SLC17A1: variants seen among roughly 807,000 people sequenced by gnomAD.
SLC17A1 encodes the protein sodium-dependent phosphate transport protein 1.
In SLC17A1, 51 loss-of-function variants were observed where a neutral mutation model predicts 53.5. The observed-to-expected ratio is 0.95, with a 90% confidence interval of 0.76 to 1.20. The LOEUF is 1.20. Ranked by LOEUF, SLC17A1 falls within the 50% of genes most tolerant of loss-of-function variation. The pLI is 0.00. For missense variants in SLC17A1, 538 were observed against 568.2 expected (o/e 0.95, Z 0.54); for synonymous variants, 179 against 198.8 (o/e 0.90, Z 0.84).
the SLC17A1 span, chr6:25,770,790 T>C: frequency 1.4e-6 from 1 of 718,976 alleles, no homozygotes; most frequent in Middle Eastern, 2.4e-4. Flanking sequence ...GATCACATAG[T>C]TACCAAGTGA....
At chr6:25,762,150 T>G in the SLC17A1 span, 60 of 997,560 alleles carry the variant, frequency 6.0e-5, 2 homozygotes, top group Admixed American at 5.5e-4. Flanking sequence ...TGGCATCTTT[T>G]GTTGATACAC....
the SLC17A1 span, chr6:25,727,371 C>T: frequency 3.3e-6 from 4 of 1,209,696 alleles, no homozygotes; most frequent in South Asian, 1.7e-5. Context: ...CTGTGGGCTT[C>T]GTTTTTGTGT....
the SLC17A1 span, chr6:25,732,553 C>G: frequency 1.7e-6 from 1 of 605,540 alleles, no homozygotes; most frequent in South Asian, 1.7e-5. Context: ...GGCAACGATG[C>G]CGAGAGGGTC....
Position 25,800,983 on chromosome 6 carries a change from A to G in SLC17A1, c.1179-3T>C. The G allele has an allele frequency of 6.7e-7, 1 of 1,497,256 alleles. No homozygotes were observed. The highest frequency in any genetic ancestry group is 1.7e-5 in the Admixed American group (1 of 59,796). The allele number at this position is 1,497,256 out of a possible 1,614,324, so 92.7% of individuals were successfully genotyped here. On this transcript the variant is annotated splice_polypyrimidine_tract_variant and splice_region_variant and intron_variant, in intron 10 of 12. Transcript: ENST00000244527. ...ATGCTTTAATAAATCCAAAATATCT[A>G]TGCATAAAAGAGTAATACACAAATG...
intron 6 of SLC17A1, among the ~76,000 whole-genome samples, chr6:25,816,164 T>A (rs1764349022): frequency 6.6e-6 from 1 of 151,822 alleles, no homozygotes; most frequent in African/African-American, 2.4e-5. Context: ...ACCTGAAGAG[T>A]CCTGTTTAAA....
At chr6:25,797,119 T>C (rs1379910029) in intron 12 of SLC17A1, among the ~76,000 whole-genome samples, 1 of 152,238 alleles carries the variant, frequency 6.6e-6, no homozygotes, top group African/African-American at 2.4e-5. Context: ...TTATATGCTA[T>C]TGCATGTATC....
the SLC17A1 span, among the ~76,000 whole-genome samples, chr6:25,758,556 A>G: frequency 7.9e-5 from 12 of 152,142 alleles, no homozygotes; most frequent in East Asian, 2.1e-3. Flanking sequence ...CATCTCCTCT[A>G]GGTTTTCTAG....
Position 25,819,863 on chromosome 6 carries a change from G to A in SLC17A1, c.260C>T (p.Thr87Ile), listed in dbSNP as rs781701966. ...TTGGATGATGATGACACCATAGGAG[G>A]TGGAACTCAAGATGATTCCCTGGAT... is the stretch of plus-strand genomic sequence containing the variant. ...PDIQGIILSS[T>I]SYGVIIIQVP... The change falls in exon 4 of 13, where the codon ACC becomes ATC. Residue 87 changes from threonine to isoleucine, a missense_variant. Thr to Ile is a moderately conservative substitution (Grantham distance 89). Coordinates refer to ENST00000244527, the MANE Select transcript of SLC17A1 (RefSeq NM_005074.5). 3.7e-6 allele frequency: 6 copies of A among 1,613,752 alleles called. No individual in the cohort carries two copies. The South Asian group carries it at 6.6e-5, about 18-fold the overall frequency.
the SLC17A1 span, among the ~76,000 whole-genome samples, chr6:25,737,998 A>G: frequency 6.6e-6 from 1 of 152,230 alleles, no homozygotes; most frequent in African/African-American, 2.4e-5. Flanking sequence ...CAAGGCAAGA[A>G]AAAGAAATTA....
the SLC17A1 span, chr6:25,732,818 T>A: frequency 1.9e-6 from 1 of 520,048 alleles, no homozygotes; most frequent in East Asian, 5.4e-5. Flanking sequence ...CAAAGTCCAG[T>A]ATGAATAACC....
chr6:25,753,882 T>G, the SLC17A1 span, among the ~76,000 whole-genome samples: 2 of 152,070 alleles, frequency 1.3e-5, no homozygotes, highest in Non-Finnish European at 2.9e-5. Flanking sequence ...GGAGTGAGTT[T>G]AGATAGGGAG....
intron 3 of SLC17A1, 128 bp downstream of exon 3, chr6:25,826,333 C>A: frequency 1.5e-6 from 1 of 673,488 alleles, no homozygotes; most frequent in Non-Finnish European, 2.3e-6. Flanking sequence ...TCACTCCTGG[C>A]AAGGTAGATG....
At chr6:25,793,284 A>T (rs967251568) in intron 12 of SLC17A1, among the ~76,000 whole-genome samples, 3 of 152,122 alleles carry the variant, frequency 2.0e-5, no homozygotes, top group African/African-American at 7.2e-5. Flanking sequence ...CTGCTTTCTG[A>T]TATTCATTCA....
downstream of SLC17A1, chr6:25,779,295 T>A: frequency 6.8e-7 from 1 of 1,469,296 alleles, no homozygotes; most frequent in Non-Finnish European, 9.2e-7. Context: ...AGCTAGACCC[T>A]GACTATGTAA....
chr6:25,726,463 G>A, the SLC17A1 span: 8 of 1,613,852 alleles, frequency 5.0e-6, no homozygotes, highest in African/African-American at 4.0e-5. Flanking sequence ...CTGCAAACCC[G>A]CTCTAGAAGA....
the SLC17A1 span, among the ~76,000 whole-genome samples, chr6:25,746,385 C>G: frequency 6.6e-6 from 1 of 151,994 alleles, no homozygotes; most frequent in Non-Finnish European, 1.5e-5. Flanking sequence ...TAAGTCAATA[C>G]TGATAAAATA....
At chr6:25,725,096 T>G in the SLC17A1 span, among the ~76,000 whole-genome samples, 1 of 152,016 alleles carries the variant, frequency 6.6e-6, no homozygotes, top group Middle Eastern at 3.2e-3. Context: ...GCAGCGTTAC[T>G]GAATGGGTTT....
downstream of SLC17A1, chr6:25,779,376 A>G (rs1763194096): frequency 6.0e-6 from 4 of 666,566 alleles, no homozygotes; most frequent in Non-Finnish European, 2.4e-6. Context: ...ACTGCAAGCT[A>G]CTAAAAGCAT....
chr6:25,774,733 A>G, the SLC17A1 span, among the ~76,000 whole-genome samples: 1 of 152,170 alleles, frequency 6.6e-6, no homozygotes, highest in South Asian at 2.1e-4. Context: ...GGAAGAGGAA[A>G]ATGGGAAAAT....
Sources: gnomAD v4.1 joint callset for allele counts (sites outside exome capture counted in the v4.1 genomes callset) on GRCh38, gnomAD v4.1.1 for gene constraint, MANE v1.5 for transcripts, NCBI Gene and HGNC (gene_info 2026-07-23, HGNC 2026-07-21) for gene names.